The following CEP63 variants were observed in gnomAD, a reference collection of about 807,000 sequenced individuals.
CEP63 encodes centrosomal protein of 63 kDa.
A neutral mutation model predicts 89.1 loss-of-function variants in CEP63; 84 were observed. That is an observed-to-expected ratio of 0.94 (90% CI 0.79 to 1.13). CEP63 has a LOEUF of 1.13. Ranked by LOEUF, CEP63 falls within the 50% of genes most tolerant of loss-of-function variation. The pLI is 0.00. For missense variants in CEP63, 838 were observed against 813.3 expected, an observed-to-expected ratio of 1.03 and a Z score of -0.37; for synonymous variants, 267 against 272.5, an observed-to-expected ratio of 0.98 and a Z score of 0.20.
the CEP63 span, chr3:134,607,130 AGTT>A: frequency 1.0e-6 from 1 of 985,486 alleles, no homozygotes; most frequent in Non-Finnish European, 1.2e-6. Context: ...TGACCTGGTC[AGTT>A]CTTTCCGATA....
chr3:134,497,402 C>A (rs1461825764), intron 2 of CEP63, among the ~76,000 whole-genome samples: 1 of 152,140 alleles, frequency 6.6e-6, no homozygotes, highest in Non-Finnish European at 1.5e-5. Flanking sequence ...ACGGGTGTCT[C>A]ATTCTGTTGT....
the CEP63 span, among the ~76,000 whole-genome samples, chr3:134,630,426 G>C: frequency 2.0e-5 from 3 of 152,176 alleles, no homozygotes; most frequent in African/African-American, 7.2e-5. Flanking sequence ...GTTTTCTGCT[G>C]ATTTGCCCCA....
At chr3:134,621,896 G>C in the CEP63 span, among the ~76,000 whole-genome samples, 2 of 151,862 alleles carry the variant, frequency 1.3e-5, no homozygotes, top group South Asian at 4.2e-4. Context: ...TTCAAAAAGG[G>C]GCAAAGGACT....
At chr3:134,633,238 G>T in the CEP63 span, among the ~76,000 whole-genome samples, 4 of 152,022 alleles carry the variant, frequency 2.6e-5, no homozygotes, top group Non-Finnish European at 5.9e-5. Context: ...AGAAGTGAAT[G>T]CTTCATAACT....
At chr3:134,610,498 C>G in the CEP63 span, 1 of 859,598 alleles carries the variant, frequency 1.2e-6, no homozygotes, top group Non-Finnish European at 1.8e-6. Context: ...CCTGTCTATC[C>G]TTTTCCTTGC....
chr3:134,757,756 G>C, the CEP63 span, among the ~76,000 whole-genome samples: 16 of 152,278 alleles, frequency 1.1e-4, no homozygotes, highest in East Asian at 2.7e-3. Context: ...GAGTCTGGTT[G>C]GAAGGCAAAC....
the CEP63 span, chr3:134,650,953 A>G: frequency 6.2e-7 from 1 of 1,613,198 alleles, no homozygotes; most frequent in Non-Finnish European, 8.5e-7. Flanking sequence ...GTCCTTCTTC[A>G]GCTCCATGAT....
At chr3:134,639,227 G>A in the CEP63 span, among the ~76,000 whole-genome samples, 1,523 of 152,290 alleles carry the variant, frequency 0.01, 31 homozygotes, top group African/African-American at 0.035. Flanking sequence ...GTGGAAAGCA[G>A]TGACATCCCA....
At chr3:134,529,581 TC>T (rs1347880178) in intron 3 of CEP63, among the ~76,000 whole-genome samples, 1 of 152,150 alleles carries the variant, frequency 6.6e-6, no homozygotes, top group Admixed American at 6.5e-5. Context: ...ACTCAAGTGA[TC>T]CGCCTGCCTT....
At chr3:134,728,807 C>A in the CEP63 span, among the ~76,000 whole-genome samples, 4 of 152,166 alleles carry the variant, frequency 2.6e-5, no homozygotes, top group African/African-American at 9.7e-5. Context: ...ACAGATTTAT[C>A]TTGGAGTGCT....
chr3:134,741,381 C>T, the CEP63 span, among the ~76,000 whole-genome samples: 1 of 152,186 alleles, frequency 6.6e-6, no homozygotes, highest in Non-Finnish European at 1.5e-5. Flanking sequence ...GCTTCAGTCA[C>T]AGTTGTTAGG....
At chr3:134,537,032 G>A (rs925134919) in intron 5 of CEP63, 123 bp from the exon 6 acceptor site, 39 of 733,408 alleles carry the variant, frequency 5.3e-5, no homozygotes, top group Non-Finnish European at 7.1e-5. Context: ...TGGGGCTCCC[G>A]CTGTGGAGAA....
chr3:134,516,674 G>GT (rs1946315272), intron 3 of CEP63, among the ~76,000 whole-genome samples: 1 of 152,190 alleles, frequency 6.6e-6, no homozygotes, highest in Non-Finnish European at 1.5e-5. Flanking sequence ...TCAAGCATTT[G>GT]TTTAACAAAA....
At chr3:134,665,601 G>A in the CEP63 span, among the ~76,000 whole-genome samples, 69 of 151,832 alleles carry the variant, frequency 4.5e-4, no homozygotes, top group East Asian at 0.013. Flanking sequence ...CGCCAGCCCG[G>A]AGTCCTCCAG....
the CEP63 span, chr3:134,628,128 T>C: frequency 2.6e-6 from 1 of 382,988 alleles, no homozygotes; most frequent in South Asian, 3.8e-5. Flanking sequence ...TGGAACCTGG[T>C]GTTCCTGCCC....
chr3:134,552,013 G>A lies in CEP63; in HGVS notation c.1467+1G>A. ...GAAATTGGAATTGGGTTTACATGAG[G>A]TACATAAATAGAAACTTAAGTTTTT... On this transcript the variant is annotated splice_donor_variant, in intron 12 of 14. Transcript: ENST00000675561. LOFTEE classifies it high-confidence loss of function. The A allele has an allele frequency of 1.3e-6, 2 of 1,560,136 alleles. No homozygotes were observed. Among genetic ancestry groups the A allele is most frequent in the Non-Finnish European group, 1.8e-6 (2 of 1,135,242 alleles).
At chr3:134,692,566 T>A in the CEP63 span, among the ~76,000 whole-genome samples, 5 of 152,312 alleles carry the variant, frequency 3.3e-5, no homozygotes, top group East Asian at 9.6e-4. Context: ...ACTCCTTTGT[T>A]TACTCACGAG....
At chr3:134,731,924 A>G in the CEP63 span, among the ~76,000 whole-genome samples, 1 of 152,240 alleles carries the variant, frequency 6.6e-6, no homozygotes, top group African/African-American at 2.4e-5. Flanking sequence ...ATAGTAGTTC[A>G]TAGCATCAGC....
chr3:134,782,113 T>C, the CEP63 span, among the ~76,000 whole-genome samples: 2 of 152,248 alleles, frequency 1.3e-5, no homozygotes, highest in African/African-American at 4.8e-5. Flanking sequence ...TAATCAAATA[T>C]TCTGTCTGTG....
Sources: gnomAD v4.1 joint callset for allele counts (sites outside exome capture counted in the v4.1 genomes callset) on GRCh38, gnomAD v4.1.1 for gene constraint, MANE v1.5 for transcripts, NCBI Gene and HGNC (gene_info 2026-07-23, HGNC 2026-07-21) for gene names.